Variants in CNTNAP5 observed in about 807,000 individuals in gnomAD.
CNTNAP5 encodes the protein contactin associated protein family member 5.
A neutral mutation model predicts 150.2 loss-of-function variants in CNTNAP5; 72 were observed. The observed-to-expected ratio is 0.48, with a 90% CI of 0.40 to 0.58. The LOEUF is 0.58. Ranked by LOEUF, CNTNAP5 falls within the 20% of genes least tolerant of loss-of-function variation. The probability of loss-of-function intolerance (pLI) is 0.00; values close to 1 mark genes in which losing one functional copy is unlikely to be tolerated. For missense variants in CNTNAP5, 1,636 were observed against 1,626.2 expected, an observed-to-expected ratio of 1.01 and a Z score of -0.10; for synonymous variants, 672 against 619.8, an observed-to-expected ratio of 1.08 and a Z score of -1.25.
intron 1 of CNTNAP5, among the ~76,000 whole-genome samples, chr2:124,110,581 A>T (rs531490075): frequency 6.6e-6 from 1 of 152,312 alleles, no homozygotes; most frequent in East Asian, 1.9e-4. Flanking sequence ...ACTATTTACC[A>T]TAGGTGAAGC....
At chr2:124,470,866 T>C (rs1409083961) in intron 6 of CNTNAP5, among the ~76,000 whole-genome samples, 1 of 152,150 alleles carries the variant, frequency 6.6e-6, no homozygotes, top group Non-Finnish European at 1.5e-5. Context: ...TTGTCGAAGA[T>C]CAGATGATTG....
chr2:124,692,286 G>C (rs1339997292), intron 13 of CNTNAP5, among the ~76,000 whole-genome samples: 1 of 152,084 alleles, frequency 6.6e-6, no homozygotes, highest in Non-Finnish European at 1.5e-5. Flanking sequence ...CCCACTGTTT[G>C]TTTTTGTAAA....
intron 1 of CNTNAP5, among the ~76,000 whole-genome samples, chr2:124,220,969 T>G (rs1573846507): frequency 6.6e-6 from 1 of 152,062 alleles, no homozygotes; most frequent in Admixed American, 6.6e-5. Context: ...CCCGGAGGGG[T>G]ATATCTACCT....
At chr2:124,560,530 A>AC (rs1387398288) in intron 10 of CNTNAP5, among the ~76,000 whole-genome samples, 2 of 151,938 alleles carry the variant, frequency 1.3e-5, no homozygotes, top group East Asian at 1.9e-4. Context: ...AAAAAAAAAA[A>AC]AAAAAACTAA....
chr2:124,599,207 A>G (rs556767823), intron 11 of CNTNAP5, among the ~76,000 whole-genome samples: 77 of 152,268 alleles, frequency 5.1e-4, no homozygotes, highest in African/African-American at 1.8e-3. Flanking sequence ...TTAAAATTTG[A>G]TCGTGGTCTG....
At chr2:124,403,748 G>C (rs1691493321) in intron 3 of CNTNAP5, among the ~76,000 whole-genome samples, 1 of 152,162 alleles carries the variant, frequency 6.6e-6, no homozygotes, top group African/African-American at 2.4e-5. Flanking sequence ...TGCTAATAAA[G>C]ACATACCCGA....
chr2:124,762,674 C>A (rs897750057), intron 14 of CNTNAP5, among the ~76,000 whole-genome samples: 2 of 152,020 alleles, frequency 1.3e-5, no homozygotes, highest in Non-Finnish European at 2.9e-5. Context: ...ACAGCTAGGA[C>A]CTGGGGACTG....
At chr2:124,716,073 T>C (rs187839613) in intron 13 of CNTNAP5, among the ~76,000 whole-genome samples, 2 of 152,322 alleles carry the variant, frequency 1.3e-5, no homozygotes, top group East Asian at 1.9e-4. Context: ...TACTTTTTTA[T>C]TTCTTAACTT....
At chr2:124,715,593 A>G (rs926855906) in intron 13 of CNTNAP5, among the ~76,000 whole-genome samples, 1 of 152,166 alleles carries the variant, frequency 6.6e-6, no homozygotes, top group African/African-American at 2.4e-5. Context: ...TACATGTGCC[A>G]TGTTGGTATG....
intron 18 of CNTNAP5, among the ~76,000 whole-genome samples, chr2:124,794,815 A>G (rs765473094): frequency 1.2e-4 from 18 of 152,302 alleles, no homozygotes; most frequent in Non-Finnish European, 2.1e-4. Context: ...AAAATCTCAG[A>G]TATAATACTA....
chr2:124,314,908 TTTAATA>T (rs1688926378), intron 3 of CNTNAP5, among the ~76,000 whole-genome samples: 1 of 152,116 alleles, frequency 6.6e-6, no homozygotes, highest in Non-Finnish European at 1.5e-5. Context: ...CAAAATTTCT[TTTAATA>T]TTAAGGGAAA....
intron 13 of CNTNAP5, among the ~76,000 whole-genome samples, chr2:124,736,583 T>C (rs1161280570): frequency 6.6e-6 from 1 of 152,206 alleles, no homozygotes; most frequent in East Asian, 1.9e-4. Flanking sequence ...TCTCATTCTA[T>C]GCCACACTTA....
intron 4 of CNTNAP5, among the ~76,000 whole-genome samples, chr2:124,427,776 T>C (rs1000880333): frequency 2.6e-5 from 4 of 152,068 alleles, no homozygotes; most frequent in Admixed American, 2.6e-4. Context: ...TTATTTTATT[T>C]TTAATTTGAC....
At chr2:124,746,526 G>A (rs993794677) in intron 13 of CNTNAP5, among the ~76,000 whole-genome samples, 1 of 151,978 alleles carries the variant, frequency 6.6e-6, no homozygotes, top group Non-Finnish European at 1.5e-5. Context: ...CCAAATCTTT[G>A]AGCTTAGAAC....
In CNTNAP5 at chr2:124,209,766, C is replaced by T. The variant is rs559232906; in HGVS notation, c.83-11939C>T. On this transcript the variant is annotated intron_variant, in intron 1 of 23. Transcript: ENST00000682447. ...CATCTTCAAAATAAACACCTGTCACCGAGCTGGTCCTCCTAGTGGAGGTGG... is the reference window on the plus strand; with the variant it reads ...CATCTTCAAAATAAACACCTGTCACTGAGCTGGTCCTCCTAGTGGAGGTGG... Among the ~76,000 whole-genome samples the T allele has an allele frequency of 9.2e-5, 14 of 152,212 alleles. No individual in the cohort carries two copies. In the South Asian group the frequency reaches 2.7e-3, roughly 29 times the overall value.
intron 8 of CNTNAP5, among the ~76,000 whole-genome samples, chr2:124,515,787 C>T (rs1694700194): frequency 1.3e-5 from 2 of 152,128 alleles, no homozygotes; most frequent in Non-Finnish European, 2.9e-5. Context: ...AACACATGGT[C>T]CAGCTGGAGC....
At chr2:124,357,079 G>A (rs1349938549) in intron 3 of CNTNAP5, among the ~76,000 whole-genome samples, 1 of 152,190 alleles carries the variant, frequency 6.6e-6, no homozygotes, top group Non-Finnish European at 1.5e-5. Flanking sequence ...ATTTTTTCAT[G>A]TGCTTTTGGC....
At chr2:124,159,065 G>A (rs1684613145) in intron 1 of CNTNAP5, among the ~76,000 whole-genome samples, 1 of 152,182 alleles carries the variant, frequency 6.6e-6, no homozygotes, top group Non-Finnish European at 1.5e-5. Flanking sequence ...TTATACTTCA[G>A]GGGTTTCAAC....
rs561981537 is a variant in CNTNAP5, at chr2:124,843,966, T to G, written c.3218-21340T>G. On this transcript the variant is annotated intron_variant, in intron 19 of 23. Transcript: ENST00000682447. ...CTCCCACTCTGGGTTTTCTGTTAACTCTGCTGATTATTTCTTTTGCTCTGC... is the reference window on the plus strand; with the variant it reads ...CTCCCACTCTGGGTTTTCTGTTAACGCTGCTGATTATTTCTTTTGCTCTGC... 3.9e-4 allele frequency among the ~76,000 whole-genome samples: 60 copies of G among 152,286 alleles called. 1 individual carries two copies. Among genetic ancestry groups the G allele is most frequent in the African/African-American group, 1.4e-3 (59 of 41,582 alleles).
Sources: gnomAD v4.1 joint callset for allele counts (sites outside exome capture counted in the v4.1 genomes callset) on GRCh38, gnomAD v4.1.1 for gene constraint, MANE v1.5 for transcripts, NCBI Gene and HGNC (gene_info 2026-07-23, HGNC 2026-07-21) for gene names.